The following GPATCH8 variants were observed in gnomAD, a reference collection of about 807,000 sequenced individuals.
GPATCH8 encodes G-patch domain containing 8, also known as G patch domain-containing protein 8.
In GPATCH8, 18 loss-of-function variants were observed where a neutral mutation model predicts 118.3. The observed-to-expected ratio is 0.15, with a 90% CI of 0.11 to 0.23. The LOEUF (loss-of-function observed/expected upper bound fraction) is 0.23. Ranked by LOEUF, GPATCH8 falls within the 10% of genes least tolerant of loss-of-function variation. GPATCH8 has a pLI of 1.00. For missense variants in GPATCH8, 1,631 were observed against 1,873.8 expected (o/e 0.87, Z 2.39); for synonymous variants, 659 against 684.7 (o/e 0.96, Z 0.59).
rs993326628 is a variant in GPATCH8, at chr17:44,397,566, A to T, written c.*2T>A. On this transcript the variant is annotated 3_prime_UTR_variant, in exon 8 of 8. Transcript: ENST00000591680. ...GCCCTACCTAGGATCCCATCCCCCA[A>T]CTCACGTGCCATGGCTGGGGGGATG... is the stretch of plus-strand genomic sequence containing the variant. 2 of 1,605,618 alleles carry T rather than the reference A, an allele frequency of 1.2e-6. No individual in the cohort carries two copies. The highest frequency in any genetic ancestry group is 1.7e-5 in the Admixed American group (1 of 59,970).
At chr17:44,449,774 G>C (rs1360171944) in intron 3 of GPATCH8, among the ~76,000 whole-genome samples, 1 of 151,388 alleles carries the variant, frequency 6.6e-6, no homozygotes, top group Non-Finnish European at 1.5e-5. Flanking sequence ...CAGCCTCCCA[G>C]AGTGCTGGGA....
chr17:44,427,193 G>A (rs573289357), intron 5 of GPATCH8, among the ~76,000 whole-genome samples: 2 of 151,480 alleles, frequency 1.3e-5, no homozygotes, highest in African/African-American at 2.4e-5. Flanking sequence ...CTCCCACCTC[G>A]GCCTTCTGAG....
At position 44,395,816 on chromosome 17, in the gene GPATCH8, G is replaced by C. The variant is rs1208673841; in HGVS notation, c.*1752C>G. On this transcript the variant is annotated 3_prime_UTR_variant, in exon 8 of 8. Coordinates refer to ENST00000591680, the MANE Select transcript of GPATCH8 (RefSeq NM_001002909.4). ...CCAATTCTAGCCACACGAATAGTTA[G>C]GAAAATGCCAAAGTGGGAATTGTTA... is the stretch of plus-strand genomic sequence containing the variant. 4 of 454,130 alleles carry C rather than the reference G, an allele frequency of 8.8e-6. No homozygotes were observed. Among genetic ancestry groups the C allele is most frequent in the Non-Finnish European group, 1.3e-5 (3 of 226,796 alleles). The allele number at this position is 454,130 out of a possible 1,614,324, so 28.1% of individuals were successfully genotyped here. A position where few individuals can be genotyped will look rare whatever the true frequency, so the allele number is the denominator to read the frequency against.
intron 2 of GPATCH8, among the ~76,000 whole-genome samples, chr17:44,470,246 G>A (rs754445835): frequency 3.9e-5 from 6 of 152,146 alleles, no homozygotes; most frequent in Non-Finnish European, 7.3e-5. Flanking sequence ...TTTGGAGATC[G>A]AGTCTCGCTC....
At chr17:44,482,717 A>G (rs1819249973) in intron 1 of GPATCH8, among the ~76,000 whole-genome samples, 1 of 152,046 alleles carries the variant, frequency 6.6e-6, no homozygotes, top group Non-Finnish European at 1.5e-5. Context: ...TAAAAAAAAT[A>G]TATTTCTATC....
At chr17:44,474,978 G>C (rs1967622421) in intron 1 of GPATCH8, 75 bp from the exon 2 acceptor site, 9 of 745,486 alleles carry the variant, frequency 1.2e-5, no homozygotes, top group Non-Finnish European at 1.7e-5. Context: ...ACCAAACTAA[G>C]GATTATTTTT....
chr17:44,426,924 TATAAG>T (rs1447466310), intron 5 of GPATCH8, among the ~76,000 whole-genome samples: 3 of 151,906 alleles, frequency 2.0e-5, no homozygotes, highest in African/African-American at 7.3e-5. Context: ...CAATAAATAC[TATAAG>T]ATATCTAAGG....
chr17:44,491,945 C>T (rs552073582), intron 1 of GPATCH8, among the ~76,000 whole-genome samples: 2 of 152,154 alleles, frequency 1.3e-5, no homozygotes, highest in East Asian at 3.9e-4. Context: ...AAAAGCCTAT[C>T]CAAAAAGAAA....
chr17:44,471,106 T>C (rs1253179945), intron 2 of GPATCH8, among the ~76,000 whole-genome samples: 1 of 152,266 alleles, frequency 6.6e-6, no homozygotes, highest in Non-Finnish European at 1.5e-5. Context: ...AATTCTCATA[T>C]AATTTTCTTA....
rs756135277 is a variant in GPATCH8, at chr17:44,401,201, C to T, written c.876G>A (p.Gly292=). ...GISFGIKNNL[G]TPLQKLGVSF... ...ACACTCCCAATTTTTGCAATGGGGT[C>T]CCCAGATTATTCTTAATGCCAAAGC... is the stretch of plus-strand genomic sequence containing the variant. The change falls in exon 8 of 8, where the codon GGG becomes GGA. Residue 292 remains glycine (G), a synonymous_variant. Transcript: ENST00000591680. The T allele has an allele frequency of 6.2e-6, 10 of 1,613,986 alleles. No individual in the cohort carries two copies. Among genetic ancestry groups the T allele is most frequent in the African/African-American group, 1.3e-5 (1 of 75,010 alleles).
At chr17:44,466,007 TG>T (rs2051748972) in intron 2 of GPATCH8, 1 of 152,052 alleles carries the variant, frequency 6.6e-6, no homozygotes, top group African/African-American at 2.4e-5. Context: ...ATTTCATTGA[TG>T]GGGGAAAACC....
chr17:44,448,366 T>C (rs1019736284), intron 3 of GPATCH8, among the ~76,000 whole-genome samples: 1 of 151,356 alleles, frequency 6.6e-6, no homozygotes, highest in Non-Finnish European at 1.5e-5. Context: ...CAGACCAATC[T>C]AGGCAACATA....
intron 4 of GPATCH8, among the ~76,000 whole-genome samples, chr17:44,436,214 A>T (rs1314060730): frequency 4.6e-5 from 7 of 152,116 alleles, no homozygotes; most frequent in Non-Finnish European, 8.8e-5. Flanking sequence ...TCTGGATCTA[A>T]GTCTGATATT....
intron 3 of GPATCH8, chr17:44,436,779 G>T: frequency 1.8e-6 from 1 of 561,738 alleles, no homozygotes; most frequent in Non-Finnish European, 3.2e-6. Context: ...AATTACTATG[G>T]CAAAATTACA....
At position 44,396,307 on chromosome 17, in the gene GPATCH8, G is replaced by T; in HGVS notation, c.*1261C>A. On this transcript the variant is annotated 3_prime_UTR_variant, in exon 8 of 8. Transcript: ENST00000591680. The stretch of plus-strand genomic sequence containing the variant: ...TTGAATCCCCTCCTTCTCCTCTGTG[G>T]GGTCTACCTGTTTCTCTGTGTAAAA... 2.2e-6 allele frequency: 1 copy of T among 454,446 alleles called. No individual in the cohort carries two copies. The highest frequency in any genetic ancestry group is 4.4e-6 in the Non-Finnish European group (1 of 226,780). The allele number at this position is 454,446 out of a possible 1,614,324, so 28.2% of individuals were successfully genotyped here.
Position 44,399,170 on chromosome 17 carries a change from TCGACTA to T in GPATCH8, c.2901_2906del (p.Arg969_Ser970del), listed in dbSNP as rs751873847. On this transcript the variant is annotated inframe_deletion, in exon 8 of 8. Coordinates refer to ENST00000591680, the MANE Select transcript of GPATCH8 (RefSeq NM_001002909.4). The stretch of plus-strand genomic sequence containing the variant: ...TGGTGCTACGGCTTCTCCGCTTGCT[TCGACTA>T]CGACTACAACTGCTGCTGCGGCTGC... The T allele has an allele frequency of 5.0e-6, 8 of 1,611,878 alleles. No homozygotes were observed. Among genetic ancestry groups the T allele is most frequent in the East Asian group, 2.2e-5 (1 of 44,890 alleles).
intron 5 of GPATCH8, among the ~76,000 whole-genome samples, chr17:44,425,136 C>T (rs1045888841): frequency 6.6e-6 from 1 of 152,114 alleles, no homozygotes; most frequent in African/African-American, 2.4e-5. Flanking sequence ...AAAGAGAAAA[C>T]AATTAAAAGA....
intron 6 of GPATCH8, among the ~76,000 whole-genome samples, chr17:44,414,759 C>A (rs948927344): frequency 6.6e-6 from 1 of 152,154 alleles, no homozygotes; most frequent in Non-Finnish European, 1.5e-5. Flanking sequence ...CTTTGCCTAG[C>A]CCCAGGAATC....
chr17:44,435,157 CA>C lies in GPATCH8; in HGVS notation c.262-7del. On this transcript the variant is annotated splice_region_variant and splice_polypyrimidine_tract_variant and intron_variant, in intron 4 of 7. Coordinates refer to ENST00000591680, the MANE Select transcript of GPATCH8 (RefSeq NM_001002909.4). ...GCATCTTCAGCATAATCAAGCTTGA[CA>C]AAAATAGATATGATTAGATTTAATT... is the stretch of plus-strand genomic sequence containing the variant. The C allele has an allele frequency of 7.5e-7, 1 of 1,331,086 alleles. No homozygotes were observed. 82.5% of individuals were successfully genotyped at this position (1,331,086 alleles called of 1,614,324 possible). A position where few individuals can be genotyped will look rare whatever the true frequency, so the allele number is the denominator to read the frequency against.
Sources: gnomAD v4.1 joint callset for allele counts (sites outside exome capture counted in the v4.1 genomes callset) on GRCh38, gnomAD v4.1.1 for gene constraint, MANE v1.5 for transcripts, NCBI Gene and HGNC (gene_info 2026-07-23, HGNC 2026-07-21) for gene names.